SORBS2: variants seen among roughly 807,000 people sequenced by gnomAD.
The protein encoded by SORBS2 is sorbin and SH3 domain containing 2.
In SORBS2, 46 loss-of-function variants were observed where a neutral mutation model predicts 97.7. The ratio of observed to expected loss-of-function variants is 0.47; its 90% CI spans 0.37 to 0.60. SORBS2 has a LOEUF of 0.60. Ranked by LOEUF, SORBS2 falls within the 20% of genes least tolerant of loss-of-function variation. The pLI, the probability that SORBS2 is intolerant of heterozygous loss-of-function variation, is 0.00. For missense variants in SORBS2, 1,316 were observed against 1,282.3 expected, an observed-to-expected ratio of 1.03 and a Z score of -0.40; for synonymous variants, 476 against 473.4, an observed-to-expected ratio of 1.01 and a Z score of -0.07.
chr4:185,811,085 A>G (rs1296583235), intron 1 of SORBS2: 1 of 152,158 alleles, frequency 6.6e-6, no homozygotes, highest in African/African-American at 2.4e-5. Flanking sequence ...TCCAATACCT[A>G]CACTGTTTGC....
chr4:185,653,393 G>A (rs193257568), intron 1 of SORBS2, among the ~76,000 whole-genome samples: 62 of 152,276 alleles, frequency 4.1e-4, no homozygotes, highest in African/African-American at 7.5e-4. Flanking sequence ...TCCAGGCGTC[G>A]GACATGAGGG....
chr4:185,807,745 A>T (rs2099163006), intron 1 of SORBS2, among the ~76,000 whole-genome samples: 1 of 152,222 alleles, frequency 6.6e-6, no homozygotes, highest in African/African-American at 2.4e-5. Context: ...TATTTTGAAA[A>T]CATATTTATC....
chr4:185,829,569 TAGACACAC>T (rs1349388895), intron 1 of SORBS2, among the ~76,000 whole-genome samples: 2 of 152,158 alleles, frequency 1.3e-5, no homozygotes, highest in Non-Finnish European at 2.9e-5. Context: ...CCGTTCCCAC[TAGACACAC>T]AGACACACAA....
At chr4:185,601,945 T>C (rs1445188290) in intron 12 of SORBS2, among the ~76,000 whole-genome samples, 3 of 152,192 alleles carry the variant, frequency 2.0e-5, no homozygotes, top group Non-Finnish European at 4.4e-5. Flanking sequence ...TGAGACCACA[T>C]GCGGCAAGTC....
Position 185,869,456 on chromosome 4 carries a change from T to C in SORBS2, c.-338+86740A>G, listed in dbSNP as rs551046096. Reference sequence around the variant, plus strand: ...CAGTCTCCTTCTGTCTTTATGCTGCTACCCTGGGCATATGCCCTCATACTT... The same window carrying C: ...CAGTCTCCTTCTGTCTTTATGCTGCCACCCTGGGCATATGCCCTCATACTT... On this transcript the variant is annotated intron_variant, in intron 1 of 20. Coordinates refer to the SORBS2 transcript ENST00000284776. 2.6e-5 allele frequency among the ~76,000 whole-genome samples: 4 copies of C among 152,346 alleles called. No homozygotes were observed. In the South Asian group the frequency reaches 8.3e-4, roughly 32 times the overall value.
At chr4:185,870,410 CCAGA>C (rs1390662408) in intron 1 of SORBS2, among the ~76,000 whole-genome samples, 1 of 152,206 alleles carries the variant, frequency 6.6e-6, no homozygotes, top group Non-Finnish European at 1.5e-5. Flanking sequence ...TCCCAACTAC[CCAGA>C]CAAAGGAGGC....
In SORBS2 at chr4:185,607,839, C is replaced by T. The variant is rs1161429448; in HGVS notation, c.2796+3941G>A. Among the ~76,000 whole-genome samples the T allele has an allele frequency of 4.6e-5, 7 of 152,018 alleles. No individual in the cohort carries two copies. The East Asian group carries it at 7.7e-4, about 17-fold the overall frequency. The stretch of plus-strand genomic sequence containing the variant: ...CCTCCCGAGTAGCTGGGACTACAGG[C>T]GCATGTCACCAGTACAGCTAATTTT... On this transcript the variant is annotated intron_variant, in intron 12 of 14. Transcript: ENST00000418609. This position sits in a 1 kb window ranked among gnomAD's most constrained non-coding sequence, Gnocchi z 5.2.
At chr4:185,730,421 T>G (rs1001576165) in intron 2 of SORBS2, among the ~76,000 whole-genome samples, 1 of 152,094 alleles carries the variant, frequency 6.6e-6, no homozygotes, top group African/African-American at 2.4e-5. Context: ...ACTGTATTAT[T>G]TTAATAAAAG....
chr4:185,938,319 T>C (rs2099270040), intron 1 of SORBS2, among the ~76,000 whole-genome samples: 1 of 151,738 alleles, frequency 6.6e-6, no homozygotes, highest in Non-Finnish European at 1.5e-5. Flanking sequence ...CTTAACATTT[T>C]GTAGTTCAGA....
intron 1 of SORBS2, among the ~76,000 whole-genome samples, chr4:185,802,033 T>C (rs1294759848): frequency 2.0e-5 from 3 of 152,226 alleles, no homozygotes; most frequent in Non-Finnish European, 4.4e-5. Context: ...AAATCCCACC[T>C]TGTTCGAGCC....
intron 2 of SORBS2, among the ~76,000 whole-genome samples, chr4:185,744,646 A>G (rs2098749271): frequency 6.6e-6 from 1 of 152,244 alleles, no homozygotes; most frequent in Non-Finnish European, 1.5e-5. Context: ...AATGTTCAGA[A>G]TCTCAGAATG....
At chr4:185,695,009 C>G (rs1286999049) in intron 2 of SORBS2, among the ~76,000 whole-genome samples, 1 of 151,732 alleles carries the variant, frequency 6.6e-6, no homozygotes, top group Non-Finnish European at 1.5e-5. Context: ...CTGGCCAATT[C>G]TGCTTGAATT....
intron 4 of SORBS2, chr4:185,645,896 A>C (rs549342520): frequency 6.6e-6 from 1 of 152,352 alleles, no homozygotes; most frequent in African/African-American, 2.4e-5. Context: ...AAACCAAAGA[A>C]GGCCAAGGGA....
chr4:185,866,123 T>C (rs1439993579), intron 1 of SORBS2, among the ~76,000 whole-genome samples: 2 of 152,230 alleles, frequency 1.3e-5, no homozygotes, highest in Non-Finnish European at 2.9e-5. Flanking sequence ...CATTGGTTTC[T>C]GTGGTTAAAA....
chr4:185,839,627 T>G (rs1481876943), intron 1 of SORBS2, among the ~76,000 whole-genome samples: 1 of 152,194 alleles, frequency 6.6e-6, no homozygotes, highest in Non-Finnish European at 1.5e-5. Context: ...TTGTTTATAG[T>G]GCTGTAAAGA....
chr4:185,605,618 T>C (rs2096396177), intron 12 of SORBS2, among the ~76,000 whole-genome samples: 2 of 150,992 alleles, frequency 1.3e-5, no homozygotes, highest in African/African-American at 4.9e-5. Context: ...GGAGTCTCGC[T>C]CTGTCACCCA....
chr4:185,769,192 C>T (rs1364716984), intron 2 of SORBS2, among the ~76,000 whole-genome samples: 6 of 152,152 alleles, frequency 3.9e-5, no homozygotes, highest in Non-Finnish European at 5.9e-5. Context: ...ATTTGCATAT[C>T]CATCCTGCGT....
intron 2 of SORBS2, among the ~76,000 whole-genome samples, chr4:185,742,074 T>G (rs575145368): frequency 6.6e-6 from 1 of 152,354 alleles, no homozygotes; most frequent in African/African-American, 2.4e-5. Context: ...CTGATTGGAC[T>G]TGTCTCTCTG....
intron 1 of SORBS2, among the ~76,000 whole-genome samples, chr4:185,828,811 T>G (rs986294189): frequency 2.0e-5 from 3 of 152,152 alleles, no homozygotes; most frequent in Non-Finnish European, 4.4e-5. Context: ...GGTCAGGCGA[T>G]TCAAGTCACT....
Sources: allele counts gnomAD v4.1 joint callset (sites outside exome capture counted in the v4.1 genomes callset), GRCh38; gene constraint gnomAD v4.1.1; non-coding constraint Gnocchi (gnomAD v3.1); transcripts MANE v1.5; gene names NCBI Gene and HGNC (gene_info 2026-07-23, HGNC 2026-07-21).